Variants in SYCP2L observed in about 807,000 individuals in gnomAD.
The protein encoded by SYCP2L is synaptonemal complex protein 2 like, also known as synaptonemal complex protein 2-like.
A neutral mutation model predicts 125.8 loss-of-function variants in SYCP2L; 98 were observed. The observed-to-expected ratio is 0.78, with a 90% CI of 0.66 to 0.92. The LOEUF (loss-of-function observed/expected upper bound fraction) is 0.92, where lower values mean the gene tolerates loss of function less well. Among genes scored for constraint, SYCP2L ranks in the 40% least tolerant of loss-of-function variants. SYCP2L has a pLI of 0.00. For synonymous variants in SYCP2L, 317 were observed against 325.4 expected, an observed-to-expected ratio of 0.97 and a Z score of 0.28; for missense variants, 842 against 936.4, an observed-to-expected ratio of 0.90 and a Z score of 1.32.
At chr6:10,946,336 C>T (rs755095435) in intron 23 of SYCP2L, among the ~76,000 whole-genome samples, 14 of 151,876 alleles carry the variant, frequency 9.2e-5, no homozygotes, top group African/African-American at 3.1e-4. Context: ...TTTTCCATAA[C>T]GTGTAAATTT....
At chr6:10,934,969 TTAAAG>T in intron 20 of SYCP2L, 84 bp from the exon 21 acceptor site, 1 of 1,201,596 alleles carries the variant, frequency 8.3e-7, no homozygotes, top group Non-Finnish European at 1.2e-6. Context: ...CTTAAGCTTC[TTAAAG>T]TAATATTGAA....
At chr6:10,934,133 C>T (rs1004466416) in intron 20 of SYCP2L, among the ~76,000 whole-genome samples, 3 of 152,154 alleles carry the variant, frequency 2.0e-5, no homozygotes, top group African/African-American at 7.2e-5. Context: ...CTGTCTCTCT[C>T]TTAACTAAAT....
intron 2 of SYCP2L, 32 bp downstream of exon 2, chr6:10,891,613 C>CTCTG (rs1311505155): frequency 7.5e-5 from 9 of 119,514 alleles, no homozygotes; most frequent in African/African-American, 2.8e-4. Context: ...TAATCTCTCT[C>CTCTG]TGTGTGTGTG....
At chr6:10,946,852 T>A (rs1781322384) in intron 23 of SYCP2L, among the ~76,000 whole-genome samples, 1 of 152,126 alleles carries the variant, frequency 6.6e-6, no homozygotes, top group Admixed American at 6.5e-5. Flanking sequence ...TTATCTTCCT[T>A]GGCATTTGTA....
chr6:10,928,915 C>CTT (rs751666059), intron 18 of SYCP2L, among the ~76,000 whole-genome samples: 1,615 of 141,648 alleles, frequency 0.011, 30 homozygotes, highest in African/African-American at 0.036. Flanking sequence ...CTTTTCTTTA[C>CTT]TTTTTTTTTT....
At chr6:10,973,146 A>G (rs1051987069) in intron 29 of SYCP2L, among the ~76,000 whole-genome samples, 1 of 152,228 alleles carries the variant, frequency 6.6e-6, no homozygotes, top group Admixed American at 6.5e-5. Flanking sequence ...CATTCTTCTC[A>G]GTAGGCATGT....
intron 16 of SYCP2L, among the ~76,000 whole-genome samples, 181 bp downstream of exon 16, chr6:10,926,613 T>C (rs1780901039): frequency 6.6e-6 from 1 of 152,034 alleles, no homozygotes; most frequent in Non-Finnish European, 1.5e-5. Flanking sequence ...AGGTCTCTCT[T>C]GTGGGTCAAC....
intron 29 of SYCP2L, among the ~76,000 whole-genome samples, chr6:10,971,720 T>G (rs1362953403): frequency 1.3e-5 from 2 of 152,150 alleles, no homozygotes; most frequent in Non-Finnish European, 2.9e-5. Context: ...GTTTCGCTCT[T>G]GTTGCCGAGG....
At chr6:10,944,539 A>G (rs528204194) in intron 23 of SYCP2L, among the ~76,000 whole-genome samples, 2 of 152,030 alleles carry the variant, frequency 1.3e-5, no homozygotes, top group South Asian at 2.1e-4. Context: ...ATTCTCTTTC[A>G]TCTTTCCTCT....
At chr6:10,895,779 C>T (rs897145255) in intron 4 of SYCP2L, among the ~76,000 whole-genome samples, 2 of 152,024 alleles carry the variant, frequency 1.3e-5, no homozygotes, top group East Asian at 1.9e-4. Flanking sequence ...TGAGCTCCCG[C>T]GCCTGGCCAA....
chr6:10,952,646 GT>G (rs1781431342), intron 23 of SYCP2L, among the ~76,000 whole-genome samples: 1 of 151,856 alleles, frequency 6.6e-6, no homozygotes, highest in African/African-American at 2.4e-5. Flanking sequence ...CGTGGTGATT[GT>G]TGATCAGTGC....
intron 23 of SYCP2L, among the ~76,000 whole-genome samples, chr6:10,950,874 T>C (rs904776730): frequency 1.3e-5 from 2 of 152,138 alleles, no homozygotes; most frequent in Non-Finnish European, 2.9e-5. Flanking sequence ...TTGGCTAGGC[T>C]GGTCTTGAAC....
chr6:10,908,882 T>A (rs964066867), intron 10 of SYCP2L, among the ~76,000 whole-genome samples: 1 of 152,180 alleles, frequency 6.6e-6, no homozygotes, highest in Non-Finnish European at 1.5e-5. Flanking sequence ...GGTAGTTGAC[T>A]TGTGAAGCCT....
chr6:10,896,681 G>T (rs1406822121), intron 4 of SYCP2L, among the ~76,000 whole-genome samples: 1 of 152,174 alleles, frequency 6.6e-6, no homozygotes, highest in East Asian at 1.9e-4. Context: ...TTACTTGGAA[G>T]ATAGTAATGG....
intron 14 of SYCP2L, among the ~76,000 whole-genome samples, chr6:10,918,004 T>C (rs1780720080): frequency 6.6e-6 from 1 of 152,160 alleles, no homozygotes. Context: ...GGATTTCTGC[T>C]GAGAAATCTG....
chr6:10,898,127 A>C lies in SYCP2L; in HGVS notation c.441+12A>C, dbSNP rs772606192. On this transcript the variant is annotated intron_variant, in intron 5 of 29. Transcript: ENST00000283141. Reference sequence around the variant, plus strand: ...TTGACACTGCATTGGTAAGGATGGGATGGATGCTTCACTGAGCAGATGCCA... The same window carrying C: ...TTGACACTGCATTGGTAAGGATGGGCTGGATGCTTCACTGAGCAGATGCCA... 30 of 1,582,912 alleles carry C rather than the reference A, an allele frequency of 1.9e-5. No homozygotes were observed. Among genetic ancestry groups the C allele is most frequent in the Non-Finnish European group, 2.5e-5 (29 of 1,151,666 alleles).
intron 23 of SYCP2L, among the ~76,000 whole-genome samples, chr6:10,946,970 C>T (rs1048134283): frequency 1.3e-5 from 2 of 151,936 alleles, no homozygotes; most frequent in Non-Finnish European, 2.9e-5. Flanking sequence ...GCTTGAACTC[C>T]AACTAGATTC....
At chr6:10,904,129 G>C (rs1437886557) in intron 8 of SYCP2L, among the ~76,000 whole-genome samples, 1 of 152,212 alleles carries the variant, frequency 6.6e-6, no homozygotes, top group Non-Finnish European at 1.5e-5. Context: ...CTGCTAAAGA[G>C]GAAGTGCCCC....
intron 23 of SYCP2L, among the ~76,000 whole-genome samples, chr6:10,950,819 C>A (rs1252424764): frequency 6.6e-6 from 1 of 152,098 alleles, no homozygotes; most frequent in Non-Finnish European, 1.5e-5. Context: ...TGCCACCACA[C>A]CCAACGGATT....
Sources: gnomAD v4.1 joint callset for allele counts (sites outside exome capture counted in the v4.1 genomes callset) on GRCh38, gnomAD v4.1.1 for gene constraint, MANE v1.5 for transcripts, NCBI Gene and HGNC (gene_info 2026-07-23, HGNC 2026-07-21) for gene names.